The following SLC9B2 variants were observed in gnomAD, a reference collection of about 807,000 sequenced individuals.
The protein encoded by SLC9B2 is solute carrier family 9 member B2.
Under a neutral mutation model 52.2 loss-of-function variants are expected in SLC9B2, and 39 were observed. The ratio of observed to expected loss-of-function variants is 0.75; its 90% CI spans 0.58 to 0.98. The LOEUF is 0.98. Ranked by LOEUF, SLC9B2 falls within the 50% of genes least tolerant of loss-of-function variation. The pLI is 0.00. For missense variants in SLC9B2, 626 were observed against 637.5 expected (o/e 0.98, Z 0.19); for synonymous variants, 214 against 227.0 (o/e 0.94, Z 0.51).
At chr4:103,037,682 C>T (rs1337032596) in intron 9 of SLC9B2, among the ~76,000 whole-genome samples, 1 of 152,120 alleles carries the variant, frequency 6.6e-6, no homozygotes, top group Non-Finnish European at 1.5e-5. Context: ...AAGGCACTTG[C>T]CTCTCAGCAC....
intron 3 of SLC9B2, 44 bp from the exon 4 acceptor site, chr4:103,058,015 C>T (rs1745308214): frequency 6.6e-7 from 1 of 1,525,736 alleles, no homozygotes; most frequent in Admixed American, 2.3e-5. Context: ...TAAGTTGTCA[C>T]ATGGAGGTTT....
At chr4:103,047,371 A>G (rs1180687527) in intron 6 of SLC9B2, 145 bp from the exon 7 acceptor site, 2 of 745,192 alleles carry the variant, frequency 2.7e-6, no homozygotes, top group Non-Finnish European at 4.1e-6. Context: ...ACAAACTTTA[A>G]TAAGAATTGT....
intron 10 of SLC9B2, among the ~76,000 whole-genome samples, chr4:103,029,919 C>G (rs72943523): frequency 6.6e-6 from 1 of 152,162 alleles, no homozygotes; most frequent in Non-Finnish European, 1.5e-5. Flanking sequence ...AAACATCAGA[C>G]AGACATAGCG....
At chr4:103,030,748 G>A (rs888005252) in intron 10 of SLC9B2, among the ~76,000 whole-genome samples, 5 of 151,894 alleles carry the variant, frequency 3.3e-5, no homozygotes, top group Non-Finnish European at 7.4e-5. Flanking sequence ...TATGTGTATA[G>A]TTAGTATCAT....
chr4:103,047,134 G>T lies in SLC9B2; in HGVS notation c.806C>A (p.Thr269Asn). 1.9e-6 allele frequency: 3 copies of T among 1,613,978 alleles called. No homozygotes were observed. The highest frequency in any genetic ancestry group is 1.7e-5 in the Admixed American group (1 of 59,986). ...GGYGVEKGVP[T>N]LLMAAGSFDD... ...GAAGCTGCCAGCTGCCATGAGCAAG[G>T]TTGGGACACCCTTCTCAACACCATA... The change falls in exon 7 of 12, where the codon ACC becomes AAC. Residue 269 changes from threonine (T) to asparagine (N), a missense_variant. Physicochemically the swap from Thr to Asn is moderately conservative, Grantham distance 65. Coordinates refer to ENST00000394785, the MANE Select transcript of SLC9B2 (RefSeq NM_178833.7).
chr4:103,020,636 TA>T (rs1326696045), downstream of SLC9B2, among the ~76,000 whole-genome samples: 1 of 152,294 alleles, frequency 6.6e-6, no homozygotes, highest in African/African-American at 2.4e-5. Context: ...ATTATCTTTT[TA>T]TTGGTTTTGT....
At chr4:103,026,982 A>T (rs999556020) in intron 11 of SLC9B2, among the ~76,000 whole-genome samples, 1 of 152,060 alleles carries the variant, frequency 6.6e-6, no homozygotes, top group African/African-American at 2.4e-5. Flanking sequence ...GCCTCAAGTG[A>T]TCCTCCCTCC....
chr4:103,031,998 T>G (rs544035344), intron 9 of SLC9B2, among the ~76,000 whole-genome samples, 190 bp from the exon 10 acceptor site: 1 of 152,152 alleles, frequency 6.6e-6, no homozygotes, highest in Admixed American at 6.6e-5. Flanking sequence ...TTAAGATACA[T>G]GAGGTGTTTT....
In SLC9B2 at chr4:103,025,057, TC is replaced by T. The variant is rs1038751269; in HGVS notation, c.*1312del. ...AGCTCTGGCCCCGAAAATCTGATGT[TC>T]CGTTCCTCCTAGGAGTGTGAATGCT... On this transcript the variant is annotated 3_prime_UTR_variant, in exon 12 of 12. Transcript: ENST00000394785. Among the ~76,000 whole-genome samples, 1 of 152,188 alleles carries T rather than the reference TC, an allele frequency of 6.6e-6. No homozygotes were observed. Among genetic ancestry groups the T allele is most frequent in the African/African-American group, 2.4e-5 (1 of 41,440 alleles).
At chr4:103,048,758 T>A (rs1744395056) in intron 6 of SLC9B2, 135 bp downstream of exon 6, 1 of 1,107,346 alleles carries the variant, frequency 9.0e-7, no homozygotes, top group East Asian at 2.7e-5. Context: ...TTAGAATATT[T>A]AAATTATGCT....
intron 4 of SLC9B2, among the ~76,000 whole-genome samples, chr4:103,057,297 C>T (rs1036089527): frequency 5.5e-5 from 8 of 144,952 alleles, no homozygotes; most frequent in East Asian, 4.0e-4. Flanking sequence ...CACATATATA[C>T]ACACACACAC....
chr4:103,056,461 T>A (rs1578469335), intron 4 of SLC9B2, among the ~76,000 whole-genome samples: 1 of 152,072 alleles, frequency 6.6e-6, no homozygotes, highest in African/African-American at 2.4e-5. Flanking sequence ...TTGGCCAGGC[T>A]GATCTTGAAC....
At chr4:103,058,765 C>G (rs1192696415) in intron 3 of SLC9B2, among the ~76,000 whole-genome samples, 1 of 151,152 alleles carries the variant, frequency 6.6e-6, no homozygotes, top group Non-Finnish European at 1.5e-5. Flanking sequence ...AAAAGCATTT[C>G]TATAAGAATG....
chr4:103,067,765 T>G (rs1746278427), intron 1 of SLC9B2, among the ~76,000 whole-genome samples, 173 bp from the exon 2 acceptor site: 1 of 152,220 alleles, frequency 6.6e-6, no homozygotes, highest in Admixed American at 6.5e-5. Flanking sequence ...TCTAGTATAT[T>G]ATCATCATTC....
chr4:103,049,044 TA>T (rs758014714), intron 5 of SLC9B2, 24 bp from the exon 6 acceptor site: 1 of 1,610,482 alleles, frequency 6.2e-7, no homozygotes, highest in Non-Finnish European at 8.5e-7. Flanking sequence ...GTAGACATCC[TA>T]ATATAATCCT....
At chr4:103,048,240 A>G (rs1277464588) in intron 6 of SLC9B2, among the ~76,000 whole-genome samples, 1 of 152,168 alleles carries the variant, frequency 6.6e-6, no homozygotes, top group Admixed American at 6.5e-5. Context: ...TAATCCTCAC[A>G]ACAACCCTAT....
chr4:103,064,779 AAAAT>A (rs903792946), intron 3 of SLC9B2, among the ~76,000 whole-genome samples: 33 of 152,330 alleles, frequency 2.2e-4, no homozygotes, highest in African/African-American at 7.9e-4. Context: ...GTCAAAAATA[AAAAT>A]AAATAAATAA....
intron 1 of SLC9B2, among the ~76,000 whole-genome samples, chr4:103,072,183 C>T (rs570466431): frequency 1.3e-5 from 2 of 151,514 alleles, no homozygotes; most frequent in East Asian, 1.9e-4. Flanking sequence ...CTCAGCCTCC[C>T]GAGTAGCTGG....
chr4:103,019,493 G>C (rs1741630180), downstream of SLC9B2: 1 of 730,814 alleles, frequency 1.4e-6, no homozygotes, highest in Non-Finnish European at 1.7e-6. Flanking sequence ...TGAACTGAGG[G>C]GGAGGAAAGG....
Sources: gnomAD v4.1 joint callset for allele counts (sites outside exome capture counted in the v4.1 genomes callset) on GRCh38, gnomAD v4.1.1 for gene constraint, MANE v1.5 for transcripts, NCBI Gene and HGNC (gene_info 2026-07-23, HGNC 2026-07-21) for gene names.